The following LRRC28 variants were observed in gnomAD, a reference collection of about 807,000 sequenced individuals.
The protein encoded by LRRC28 is leucine-rich repeat-containing protein 28.
LRRC28 carries 39 observed loss-of-function variants against 45.7 expected under a neutral mutation model. That is an observed-to-expected ratio of 0.85 (90% CI 0.66 to 1.12). The LOEUF is 1.12. Ranked by LOEUF, LRRC28 falls within the 50% of genes most tolerant of loss-of-function variation. The pLI, the probability that LRRC28 is intolerant of heterozygous loss-of-function variation, is 0.00. For missense variants in LRRC28, 435 were observed against 438.5 expected (o/e 0.99, Z 0.07); for synonymous variants, 206 against 178.8 (o/e 1.15, Z -1.22).
chr15:99,357,195 A>G (rs1567693779), intron 7 of LRRC28, among the ~76,000 whole-genome samples: 2 of 152,356 alleles, frequency 1.3e-5, no homozygotes, highest in Admixed American at 1.3e-4. Context: ...TTTGGGTACT[A>G]TCAAAATTCA....
intron 5 of LRRC28, among the ~76,000 whole-genome samples, chr15:99,317,023 G>A (rs1343368556): frequency 2.0e-5 from 3 of 151,292 alleles, no homozygotes; most frequent in African/African-American, 4.8e-5. Flanking sequence ...TTGGAGAGGT[G>A]GGGAAGGTTT....
At chr15:99,269,319 G>A (rs1001868132) in intron 2 of LRRC28, among the ~76,000 whole-genome samples, 1 of 151,964 alleles carries the variant, frequency 6.6e-6, no homozygotes, top group African/African-American at 2.4e-5. Context: ...TATTCTTCAT[G>A]TTTTACATTT....
intron 5 of LRRC28, among the ~76,000 whole-genome samples, chr15:99,301,933 T>G (rs994228498): frequency 6.6e-6 from 1 of 152,164 alleles, no homozygotes; most frequent in African/African-American, 2.4e-5. Context: ...TACATCACTT[T>G]TTTTTTTCTA....
chr15:99,271,343 A>G (rs1178233962), intron 2 of LRRC28, among the ~76,000 whole-genome samples: 4 of 150,846 alleles, frequency 2.7e-5, no homozygotes, highest in African/African-American at 7.3e-5. Flanking sequence ...CAGTGGCACC[A>G]TCTTGGCTCA....
chr15:99,257,565 G>A (rs955346476), intron 2 of LRRC28: 7 of 536,410 alleles, frequency 1.3e-5, no homozygotes, highest in Middle Eastern at 2.9e-4. Context: ...GATCCAACCC[G>A]GGGGTGAGAG....
chr15:99,308,218 A>G (rs938711700), intron 5 of LRRC28, among the ~76,000 whole-genome samples: 5 of 152,246 alleles, frequency 3.3e-5, no homozygotes, highest in Admixed American at 1.3e-4. Context: ...CTGAGAGATT[A>G]TGAATCTTAC....
chr15:99,317,030 G>C (rs1955621818), intron 5 of LRRC28, among the ~76,000 whole-genome samples: 1 of 150,708 alleles, frequency 6.6e-6, no homozygotes, highest in Non-Finnish European at 1.5e-5. Flanking sequence ...GGTGGGGAAG[G>C]TTTTTTTTAA....
intron 1 of LRRC28, 35 bp from the exon 2 acceptor site, chr15:99,255,863 C>G (rs2081001640): frequency 2.2e-6 from 3 of 1,382,396 alleles, no homozygotes; most frequent in Non-Finnish European, 2.9e-6. Context: ...TGTAAAAAAT[C>G]TTACAATGAA....
chr15:99,263,839 A>G (rs984811028), intron 2 of LRRC28, among the ~76,000 whole-genome samples: 8 of 151,914 alleles, frequency 5.3e-5, no homozygotes, highest in Non-Finnish European at 8.8e-5. Flanking sequence ...GACACTGACA[A>G]TAGATACATC....
rs879758549 is a variant in LRRC28 at position 99,386,790 on chromosome 15, A to G, written c.*688A>G. 3 of 152,208 alleles carry G rather than the reference A, an allele frequency of 2.0e-5. No individual in the cohort carries two copies. Among genetic ancestry groups the G allele is most frequent in the African/African-American group, 4.8e-5 (2 of 41,454 alleles). The allele number at this position is 152,208 out of a possible 1,614,324, so 9.4% of individuals were successfully genotyped here. On this transcript the variant is annotated 3_prime_UTR_variant, in exon 10 of 10. Coordinates refer to ENST00000301981, the MANE Select transcript of LRRC28 (RefSeq NM_144598.5). ...TAATGAAATACACTTCCTGTTTTTT[A>G]AAAGTGTTTGCAGAAAAATGATTTT...
At chr15:99,383,581 T>C (rs1957894395) in intron 9 of LRRC28, among the ~76,000 whole-genome samples, 1 of 152,198 alleles carries the variant, frequency 6.6e-6, no homozygotes, top group African/African-American at 2.4e-5. Flanking sequence ...AACTCTTCTT[T>C]TCCATTTGAA....
chr15:99,294,321 G>A (rs987248960), intron 5 of LRRC28, among the ~76,000 whole-genome samples: 2 of 151,896 alleles, frequency 1.3e-5, no homozygotes, highest in African/African-American at 4.8e-5. Context: ...CTACAGGTCA[G>A]TGAACTTTGT....
At chr15:99,278,806 G>A (rs529567002) in intron 3 of LRRC28, among the ~76,000 whole-genome samples, 2 of 152,348 alleles carry the variant, frequency 1.3e-5, no homozygotes, top group South Asian at 4.1e-4. Flanking sequence ...TTACGAAGCT[G>A]CAGTCAAGGT....
At chr15:99,264,956 G>A (rs541431861) in intron 2 of LRRC28, among the ~76,000 whole-genome samples, 1 of 152,306 alleles carries the variant, frequency 6.6e-6, no homozygotes, top group African/African-American at 2.4e-5. Context: ...GAGAACAGGT[G>A]GAAAGACAGA....
intron 5 of LRRC28, among the ~76,000 whole-genome samples, chr15:99,306,306 T>G (rs1170070543): frequency 6.6e-6 from 1 of 152,192 alleles, no homozygotes; most frequent in Non-Finnish European, 1.5e-5. Flanking sequence ...CTTAAGCAAA[T>G]GGACCGATGG....
At chr15:99,374,537 T>C (rs148478130) in intron 9 of LRRC28, among the ~76,000 whole-genome samples, 318 of 152,360 alleles carry the variant, frequency 2.1e-3, no homozygotes, top group African/African-American at 7.1e-3. Context: ...CATGTCATGC[T>C]GTCTGCTAAG....
rs763515276 is a variant in LRRC28 at position 99,386,127 on chromosome 15, G to A, written c.*25G>A. ...ATAAACACTCAAGAACCTCAGGAGC[G>A]CTGCCAGCTTGACACTGGGGAATCC... On this transcript the variant is annotated 3_prime_UTR_variant, in exon 10 of 10. Coordinates refer to ENST00000301981, the MANE Select transcript of LRRC28 (RefSeq NM_144598.5). 61 of 1,597,574 alleles carry A rather than the reference G, an allele frequency of 3.8e-5. No individual in the cohort carries two copies. The highest frequency in any genetic ancestry group is 8.0e-5 in the African/African-American group (6 of 74,556).
chr15:99,335,163 A>G (rs34623694), intron 6 of LRRC28, among the ~76,000 whole-genome samples: 14,409 of 152,190 alleles, frequency 0.095, 970 homozygotes, highest in East Asian at 0.3. Context: ...AAATATAAAT[A>G]GAATTAAAAA....
chr15:99,368,851 A>C (rs1338319231), intron 9 of LRRC28, among the ~76,000 whole-genome samples: 2 of 152,196 alleles, frequency 1.3e-5, no homozygotes, highest in Admixed American at 1.3e-4. Flanking sequence ...CTGGTTCCTT[A>C]TGCTTAATAA....
Sources: allele counts gnomAD v4.1 joint callset (sites outside exome capture counted in the v4.1 genomes callset), GRCh38; gene constraint gnomAD v4.1.1; transcripts MANE v1.5; gene names NCBI Gene and HGNC (gene_info 2026-07-23, HGNC 2026-07-21).